Variants in MED16 observed in about 807,000 individuals in gnomAD.
MED16 encodes the protein mediator of RNA polymerase II transcription subunit 16.
Under a neutral mutation model 84.4 loss-of-function variants are expected in MED16, and 81 were observed. The observed-to-expected ratio is 0.96, with a 90% CI of 0.80 to 1.15. The LOEUF is 1.15. Ranked by LOEUF, MED16 falls within the 50% of genes most tolerant of loss-of-function variation. The pLI is 0.00. For missense variants in MED16, 1,585 were observed against 1,245.9 expected (o/e 1.27, Z -4.10); for synonymous variants, 897 against 552.2 (o/e 1.62, Z -8.76).
chr19:890,011 G>A (rs919281659), intron 3 of MED16, 126 bp downstream of exon 3: 11 of 840,704 alleles, frequency 1.3e-5, no homozygotes, highest in African/African-American at 3.4e-5. Context: ...AAGAGCAGCA[G>A]GTGCAAAGCT....
At chr19:883,924 C>T (rs980479339) in intron 6 of MED16, among the ~76,000 whole-genome samples, 2 of 152,118 alleles carry the variant, frequency 1.3e-5, no homozygotes, top group South Asian at 2.1e-4. Flanking sequence ...GCCCTCTTCA[C>T]CTGCCTGGTG....
At chr19:874,305 G>A (rs1403051281) in intron 10 of MED16, among the ~76,000 whole-genome samples, 1 of 152,052 alleles carries the variant, frequency 6.6e-6, no homozygotes, top group South Asian at 2.1e-4. Context: ...GTAGAGACGG[G>A]GTTTCACCGT....
chr19:892,944 G>GCGCCCCGC (rs2036672838), intron 1 of MED16, 142 bp downstream of exon 1: 2 of 117,296 alleles, frequency 1.7e-5, no homozygotes, highest in African/African-American at 3.2e-5. Flanking sequence ...CCGCGCCCCA[G>GCGCCCCGC]GCCGCCTACC....
chr19:885,705 G>A (rs1415500090), intron 5 of MED16, 65 bp downstream of exon 5: 1 of 1,559,004 alleles, frequency 6.4e-7, no homozygotes, highest in Non-Finnish European at 8.7e-7. Context: ...TCCACCCCCA[G>A]GACCCTGAGA....
At chr19:886,524 G>A (rs961303216) in intron 4 of MED16, among the ~76,000 whole-genome samples, 6 of 152,224 alleles carry the variant, frequency 3.9e-5, no homozygotes, top group African/African-American at 1.4e-4. Context: ...GGAGCCAGGT[G>A]GTCCCTGTTG....
At chr19:868,363 G>A (rs768692574) in intron 15 of MED16, 53 bp downstream of exon 15, 1 of 1,597,028 alleles carries the variant, frequency 6.3e-7, no homozygotes, top group South Asian at 1.1e-5. Context: ...TAGCTGAGGG[G>A]CAGCTGGGCT....
At position 886,210 on chromosome 19, in the gene MED16, AAGGGAGGG is replaced by A; in HGVS notation, c.448-17_448-10del. 1 of 1,498,594 alleles carries A rather than the reference AAGGGAGGG, an allele frequency of 6.7e-7. No homozygotes were observed. The highest frequency in any genetic ancestry group is 8.9e-7 in the Non-Finnish European group (1 of 1,128,778). 92.8% of individuals were successfully genotyped at this position (1,498,594 alleles called of 1,614,324 possible). A position where few individuals can be genotyped will look rare whatever the true frequency, so the allele number is the denominator to read the frequency against. Reference sequence around the variant, plus strand: ...AAGCTGGAGGCGCCCGACTGTGGAGAAGGGAGGGAGGGAGGAGGGGCCGCTCAGGCTCA... The same window carrying A: ...AAGCTGGAGGCGCCCGACTGTGGAGAAGGGAGGAGGGGCCGCTCAGGCTCA... On this transcript the variant is annotated splice_polypyrimidine_tract_variant and intron_variant, in intron 4 of 15. Transcript: ENST00000325464.
At position 871,368 on chromosome 19, in the gene MED16, G is replaced by A. The variant is rs2036049828; in HGVS notation, c.2099-115C>T. 3.3e-5 allele frequency: 44 copies of A among 1,341,002 alleles called. No individual in the cohort carries two copies. In the South Asian group the frequency reaches 6.0e-4, roughly 18 times the overall value. The allele number at this position is 1,341,002 out of a possible 1,614,324, so 83.1% of individuals were successfully genotyped here. A position where few individuals can be genotyped will look rare whatever the true frequency, so the allele number is the denominator to read the frequency against. ...AGCACCAGGTCAGGGCCCCAGCTCT[G>A]TCTGCCTGGCTGGGTGACCCCGGGG... On this transcript the variant is annotated intron_variant, in intron 12 of 15. Transcript: ENST00000325464.
At chr19:868,331 C>A (rs868247705) in intron 15 of MED16, 80 bp from the exon 16 acceptor site, 4 of 1,538,920 alleles carry the variant, frequency 2.6e-6, no homozygotes, top group Non-Finnish European at 2.6e-6. Flanking sequence ...GGCTCAGGGG[C>A]AGCTGAGGGG....
chr19:885,098 C>T (rs184609942), intron 5 of MED16, 90 bp from the exon 6 acceptor site: 28 of 977,182 alleles, frequency 2.9e-5, no homozygotes, highest in East Asian at 2.6e-4. Flanking sequence ...CCTGGGGCCA[C>T]GCACTGCTGG....
intron 2 of MED16, chr19:890,510 A>G: frequency 2.4e-6 from 1 of 410,086 alleles, no homozygotes; most frequent in Non-Finnish European, 4.4e-6. Context: ...TCCACAGCAG[A>G]TAATAGGTGG....
chr19:885,682 G>A (rs2036510870), intron 5 of MED16, 88 bp downstream of exon 5: 4 of 1,447,122 alleles, frequency 2.8e-6, no homozygotes, highest in Non-Finnish European at 3.7e-6. Context: ...GCCCGTGGAG[G>A]CCCGCGCGGG....
At position 885,953 on chromosome 19, in the gene MED16, G is replaced by A. The variant is rs755757971; in HGVS notation, c.696C>T (p.Asp232=). The A allele has an allele frequency of 1.6e-4, 259 of 1,612,236 alleles. No homozygotes were observed. Among genetic ancestry groups the A allele is most frequent in the Non-Finnish European group, 2.0e-4 (233 of 1,179,810 alleles). The stretch of plus-strand genomic sequence containing the variant: ...ACTGCACGGGCGACGCGCTGCTGCC[G>A]TCCGCCGTGGCCACCACGATGTTGC... ...GGGNIVVATA[D]GSSASPVQFY... Residue 232 remains aspartate (D), a synonymous_variant, in exon 5 of 16, where the codon GAC becomes GAT. Coordinates refer to ENST00000325464, the MANE Select transcript of MED16 (RefSeq NM_005481.3).
chr19:877,511 C>CTG (rs1256308636), intron 8 of MED16, among the ~76,000 whole-genome samples: 2 of 136,994 alleles, frequency 1.5e-5, no homozygotes, highest in Non-Finnish European at 1.6e-5. Context: ...CTAATACGTG[C>CTG]TGTGAGCCAC....
chr19:868,631 C>A (rs1226186632), intron 14 of MED16, 132 bp from the exon 15 acceptor site: 2 of 1,269,816 alleles, frequency 1.6e-6, no homozygotes, highest in Non-Finnish European at 2.2e-6. Context: ...TCCCCACCTG[C>A]CACAGGGCCT....
chr19:875,921 G>A (rs2036219132), intron 9 of MED16, among the ~76,000 whole-genome samples: 1 of 152,184 alleles, frequency 6.6e-6, no homozygotes, highest in Admixed American at 6.5e-5. Flanking sequence ...TGGAGAGCCT[G>A]TGCAACGTAG....
In MED16 at chr19:873,595, G is replaced by C. The variant is rs201099093; in HGVS notation, c.1772-13C>G. On this transcript the variant is annotated splice_polypyrimidine_tract_variant and intron_variant, in intron 10 of 15. Coordinates refer to ENST00000325464, the MANE Select transcript of MED16 (RefSeq NM_005481.3). ...ACCTTGTCAATGTCTACAAGGAGAC[G>C]TGGGTCGGGTCAGCTCGGGCCTCTT... The C allele has an allele frequency of 1.2e-6, 2 of 1,611,812 alleles. No individual in the cohort carries two copies. Among genetic ancestry groups the C allele is most frequent in the Admixed American group, 3.3e-5 (2 of 59,994 alleles).
intron 10 of MED16, among the ~76,000 whole-genome samples, chr19:874,865 C>T (rs1201894807): frequency 6.6e-6 from 1 of 152,118 alleles, no homozygotes; most frequent in East Asian, 1.9e-4. Context: ...GTGAGACCGT[C>T]TCTAAAAGCC....
rs192978124 is a variant in MED16 at position 885,050 on chromosome 19, T to C, written c.880-42A>G. 8.5e-5 allele frequency: 125 copies of C among 1,479,250 alleles called. No individual in the cohort carries two copies. In the African/African-American group the frequency reaches 1.6e-3, roughly 19 times the overall value. The allele number at this position is 1,479,250 out of a possible 1,614,324, so 91.6% of individuals were successfully genotyped here. On this transcript the variant is annotated intron_variant, in intron 5 of 15. Coordinates refer to ENST00000325464, the MANE Select transcript of MED16 (RefSeq NM_005481.3). ...GGTGAGGGCTGACCCGGCACTGCTGTGGTGGCCACGCCACCACCGGAGCCT... is the reference window on the plus strand; with the variant it reads ...GGTGAGGGCTGACCCGGCACTGCTGCGGTGGCCACGCCACCACCGGAGCCT...
Sources: gnomAD v4.1 joint callset for allele counts (sites outside exome capture counted in the v4.1 genomes callset) on GRCh38, gnomAD v4.1.1 for gene constraint, MANE v1.5 for transcripts, NCBI Gene and HGNC (gene_info 2026-07-23, HGNC 2026-07-21) for gene names.